MICAL2: variants seen among roughly 807,000 people sequenced by gnomAD.
The protein encoded by MICAL2 is microtubule associated monooxygenase, calponin and LIM domain containing 2.
A neutral mutation model predicts 127.3 loss-of-function variants in MICAL2; 77 were observed. That is an observed-to-expected ratio of 0.60 (90% CI 0.50 to 0.73). The LOEUF (loss-of-function observed/expected upper bound fraction) is 0.73. Ranked by LOEUF, MICAL2 falls within the 30% of genes least tolerant of loss-of-function variation. MICAL2 has a pLI of 0.00. For synonymous variants in MICAL2, 570 were observed against 551.1 expected (o/e 1.03, Z -0.48); for missense variants, 1,351 against 1,434.4 (o/e 0.94, Z 0.94).
At position 12,248,292 on chromosome 11, in the gene MICAL2, T is replaced by G. The variant is rs1372681573; in HGVS notation, c.2785-892T>G. On this transcript the variant is annotated intron_variant, in intron 21 of 27. Transcript: ENST00000683283. ...TCAGATCCTTGGCAGAGTCTGTCTT[T>G]CCAGGCTGTGGACTGTGAGACCTAT... Among the ~76,000 whole-genome samples the G allele has an allele frequency of 2.0e-5, 3 of 152,206 alleles. No homozygotes were observed. In the East Asian group the frequency reaches 5.8e-4, roughly 29 times the overall value.
chr11:12,323,847 T>G, intron 30 of MICAL2: 6 of 1,001,546 alleles, frequency 6.0e-6, no homozygotes, highest in Non-Finnish European at 8.5e-6. Flanking sequence ...TTCTACCAGA[T>G]GTCGTTATTT....
intron 1 of MICAL2, among the ~76,000 whole-genome samples, chr11:12,118,795 G>A (rs1446399167): frequency 6.6e-6 from 1 of 152,224 alleles, no homozygotes. Flanking sequence ...GCTTGATCTG[G>A]AGATGAAATT....
intron 32 of MICAL2, among the ~76,000 whole-genome samples, chr11:12,346,308 T>A (rs1480174127): frequency 6.6e-6 from 1 of 152,194 alleles, no homozygotes; most frequent in East Asian, 1.9e-4. Flanking sequence ...GAGCTTATAC[T>A]GTGTGCCAGG....
chr11:12,262,922 G>A (rs1372274097), intron 27 of MICAL2: 1 of 181,866 alleles, frequency 5.5e-6, no homozygotes, highest in East Asian at 1.4e-4. Flanking sequence ...CACTTTTTGA[G>A]CAGCCTCAAA....
At chr11:12,244,244 G>C (rs1860381153) in intron 21 of MICAL2, 132 bp downstream of exon 21, 1 of 1,249,484 alleles carries the variant, frequency 8.0e-7, no homozygotes, top group East Asian at 2.3e-5. Flanking sequence ...TTTTACACCA[G>C]TGCTGGATTC....
intron 32 of MICAL2, among the ~76,000 whole-genome samples, chr11:12,335,403 T>A (rs899340528): frequency 6.6e-6 from 1 of 152,028 alleles, no homozygotes; most frequent in Non-Finnish European, 1.5e-5. Flanking sequence ...TTCTGTAGGT[T>A]GCCTGTTCAC....
At chr11:12,361,589 C>T (rs1939205749), downstream of MICAL2, among the ~76,000 whole-genome samples, 1 of 152,190 alleles carries the variant, frequency 6.6e-6, no homozygotes, top group African/African-American at 2.4e-5. Flanking sequence ...TTCATTTAAA[C>T]CTTGACTTTG....
chr11:12,171,892 A>C (rs1856304429), intron 3 of MICAL2, among the ~76,000 whole-genome samples: 1 of 152,226 alleles, frequency 6.6e-6, no homozygotes, highest in African/African-American at 2.4e-5. Flanking sequence ...ATTTAACCTA[A>C]TATATCCACA....
At chr11:12,175,337 G>A (rs906493003) in intron 3 of MICAL2, among the ~76,000 whole-genome samples, 7 of 152,116 alleles carry the variant, frequency 4.6e-5, no homozygotes, top group African/African-American at 1.2e-4. Context: ...TTAGCCAGGC[G>A]TGGTGGTGGG....
At chr11:12,216,494 C>G (rs1258515353) in intron 8 of MICAL2, 175 bp downstream of exon 8, 2 of 600,316 alleles carry the variant, frequency 3.3e-6, no homozygotes, top group Non-Finnish European at 5.9e-6. Context: ...TAAAGGAGCC[C>G]ACGCCAATAT....
In MICAL2 at chr11:12,242,314, C is replaced by T. The variant is rs887609400; in HGVS notation, c.2438C>T (p.Ser813Phe). 32 of 1,614,070 alleles carry T rather than the reference C, an allele frequency of 2.0e-5. No individual in the cohort carries two copies. The highest frequency in any genetic ancestry group is 2.5e-5 in the Non-Finnish European group (29 of 1,180,012). ...AGACCTTGGAGAGCCAGAGCCAAGT[C>T]TGACCTACAGCTGGGTGGGACAGAA... ...LSRPWRARAKSDLQLGGTENF... is the reference protein window; with the variant it reads ...LSRPWRARAKFDLQLGGTENF... The change falls in exon 19 of 28, where the codon TCT becomes TTT. Residue 813 changes from serine (S) to phenylalanine (F), a missense_variant. By Grantham distance (155) the Ser-to-Phe change is radical. Around this residue, in one of 2 missense-constraint regions of MICAL2, gnomAD observed 752 missense variants for 719.4 expected, o/e 1.05. Coordinates refer to ENST00000683283, the MANE Select transcript of MICAL2 (RefSeq NM_001282663.2).
chr11:12,212,466 G>A (rs1855602066), intron 6 of MICAL2, among the ~76,000 whole-genome samples: 1 of 151,990 alleles, frequency 6.6e-6, no homozygotes, highest in Non-Finnish European at 1.5e-5. Context: ...AACAGAGCGA[G>A]ACCCTGTCTG....
At position 12,162,164 on chromosome 11, in the gene MICAL2, A is replaced by G. The variant is rs1215231150; in HGVS notation, c.9A>G (p.Glu3=). 4 of 1,614,186 alleles carry G rather than the reference A, an allele frequency of 2.5e-6. No individual in the cohort carries two copies. The highest frequency in any genetic ancestry group is 3.3e-5 in the Admixed American group (2 of 60,030). Residue 3 remains glutamate, a synonymous_variant, in exon 3 of 28, where the codon GAA becomes GAG. Transcript: ENST00000683283. MG[E]NEDEKQAQAG... ...CACACGACTCCTGAACCATGGGGGAAAACGAGGATGAGAAGCAGGCCCAGG... is the reference window on the plus strand; with the variant it reads ...CACACGACTCCTGAACCATGGGGGAGAACGAGGATGAGAAGCAGGCCCAGG...
downstream of MICAL2, among the ~76,000 whole-genome samples, chr11:12,265,385 T>C (rs985239249): frequency 3.9e-5 from 6 of 152,246 alleles, no homozygotes; most frequent in Non-Finnish European, 8.8e-5. Flanking sequence ...AGGAAAACCA[T>C]ATAATTAAAT....
At chr11:12,119,297 G>A (rs191598027) in intron 1 of MICAL2, among the ~76,000 whole-genome samples, 108 of 152,254 alleles carry the variant, frequency 7.1e-4, no homozygotes, top group African/African-American at 2.4e-3. Context: ...CTTCATCTAC[G>A]GCATGAGAGG....
chr11:12,230,061 A>G (rs1858018768), intron 15 of MICAL2, among the ~76,000 whole-genome samples: 1 of 152,186 alleles, frequency 6.6e-6, no homozygotes, highest in Non-Finnish European at 1.5e-5. Flanking sequence ...GGGTCACCAC[A>G]CTGTGCCTTG....
At position 12,146,159 on chromosome 11, in the gene MICAL2, G is replaced by T. The variant is rs555886175; in HGVS notation, c.-78+7699G>T. The stretch of plus-strand genomic sequence containing the variant: ...CCATTCAGGACATAGGCATGGGCAA[G>T]GACTTCATGTCTAAAACACCAAAAG... On this transcript the variant is annotated intron_variant, in intron 2 of 27. Coordinates refer to ENST00000683283, the MANE Select transcript of MICAL2 (RefSeq NM_001282663.2). Among the ~76,000 whole-genome samples, 77 of 152,212 alleles carry T rather than the reference G, an allele frequency of 5.1e-4. 1 individual carries two copies. Among genetic ancestry groups the T allele is most frequent in the African/African-American group, 1.7e-3 (71 of 41,548 alleles).
intron 1 of MICAL2, among the ~76,000 whole-genome samples, chr11:12,280,481 A>G (rs1430562943): frequency 6.6e-6 from 1 of 152,214 alleles, no homozygotes; most frequent in Non-Finnish European, 1.5e-5. Flanking sequence ...GTCTGAGATC[A>G]AGGTGTGGGC....
intron 21 of MICAL2, among the ~76,000 whole-genome samples, chr11:12,245,402 T>G (rs773814446): frequency 6.6e-6 from 1 of 152,222 alleles, no homozygotes; most frequent in Non-Finnish European, 1.5e-5. Context: ...AAGCTGCCCC[T>G]TGGTGTGTAA....
Sources: gnomAD v4.1 joint callset for allele counts (sites outside exome capture counted in the v4.1 genomes callset) on GRCh38, gnomAD v4.1.1 for gene constraint, gnomAD v4.1.1 regional missense constraint, MANE v1.5 for transcripts, NCBI Gene and HGNC (gene_info 2026-07-23, HGNC 2026-07-21) for gene names.